Variants in MGAT4C observed in about 807,000 individuals in gnomAD.
MGAT4C encodes the protein MGAT4 family member C.
Under a neutral mutation model 40.1 loss-of-function variants are expected in MGAT4C, and 19 were observed. The ratio of observed to expected loss-of-function variants is 0.47; its 90% CI spans 0.33 to 0.70. The LOEUF (loss-of-function observed/expected upper bound fraction) is 0.70. Ranked by LOEUF, MGAT4C falls within the 30% of genes least tolerant of loss-of-function variation. The pLI is 0.02. For synonymous variants in MGAT4C, 181 were observed against 187.1 expected (o/e 0.97, Z 0.27); for missense variants, 491 against 563.2 (o/e 0.87, Z 1.30).
intron 3 of MGAT4C, among the ~76,000 whole-genome samples, chr12:86,343,219 C>T (rs1191517364): frequency 6.6e-6 from 1 of 152,136 alleles, no homozygotes. Flanking sequence ...ACTGGTTGAG[C>T]ATGTCCAATA....
chr12:86,187,786 C>T (rs956834986), intron 1 of MGAT4C, among the ~76,000 whole-genome samples: 1 of 151,680 alleles, frequency 6.6e-6, no homozygotes, highest in Non-Finnish European at 1.5e-5. Context: ...GGGCTCTAGG[C>T]TTGAACGTAT....
intron 3 of MGAT4C, among the ~76,000 whole-genome samples, chr12:86,368,313 ATGTT>A (rs1294098497): frequency 3.9e-5 from 6 of 152,100 alleles, no homozygotes; most frequent in Non-Finnish European, 8.8e-5. Context: ...GTCATGTTAA[ATGTT>A]TGTTGATTTT....
At chr12:86,341,210 C>T (rs1340811136) in intron 3 of MGAT4C, among the ~76,000 whole-genome samples, 1 of 152,110 alleles carries the variant, frequency 6.6e-6, no homozygotes, top group African/African-American at 2.4e-5. Context: ...TCCTCCCCAG[C>T]CCAGGGAAGC....
chr12:86,194,024 A>G (rs1160704229), intron 1 of MGAT4C, among the ~76,000 whole-genome samples: 2 of 152,016 alleles, frequency 1.3e-5, no homozygotes. Flanking sequence ...AAGAGATGCT[A>G]AACCTTTTGA....
chr12:86,744,479 T>C (rs944191532), intron 1 of MGAT4C, among the ~76,000 whole-genome samples: 12 of 151,468 alleles, frequency 7.9e-5, no homozygotes, highest in Non-Finnish European at 1.8e-4. Context: ...CTTCACTCCA[T>C]CCAAGTTCAT....
chr12:86,588,250 A>G (rs1471574624), intron 2 of MGAT4C, among the ~76,000 whole-genome samples: 1 of 152,062 alleles, frequency 6.6e-6, no homozygotes, highest in Admixed American at 6.6e-5. Flanking sequence ...AGGATTTGCA[A>G]TCCTAGTCTC....
At chr12:86,007,569 A>G (rs1284429902) in intron 2 of MGAT4C, among the ~76,000 whole-genome samples, 1 of 152,082 alleles carries the variant, frequency 6.6e-6, no homozygotes, top group African/African-American at 2.4e-5. Context: ...GGTAGAATTC[A>G]AATAAAGTAT....
At chr12:86,053,058 G>T (rs368332911) in intron 1 of MGAT4C, among the ~76,000 whole-genome samples, 7 of 151,906 alleles carry the variant, frequency 4.6e-5, no homozygotes, top group East Asian at 3.9e-4. Context: ...CAAAGCGAAA[G>T]ATCTTTGGGG....
At chr12:86,836,683 C>CA in intron 1 of MGAT4C, among the ~76,000 whole-genome samples, 1 of 152,050 alleles carries the variant, frequency 6.6e-6, no homozygotes, top group South Asian at 2.1e-4. Context: ...ATTTTTATTG[C>CA]ACTTTGACAA....
At chr12:86,619,139 G>A (rs1007141075) in intron 2 of MGAT4C, among the ~76,000 whole-genome samples, 24 of 151,984 alleles carry the variant, frequency 1.6e-4, no homozygotes, top group African/African-American at 5.8e-4. Flanking sequence ...TTTCATATAA[G>A]GAACTTGAAC....
chr12:86,595,456 G>A lies in MGAT4C; in HGVS notation c.-229+131753C>T, dbSNP rs1212177951. On this transcript the variant is annotated intron_variant, in intron 2 of 7. Coordinates refer to the MGAT4C transcript ENST00000548651. ...TGAGGCAGGAGAATCGCTTGAATCC[G>A]TGAGGCGGAGGTTGCAGTGAGCAGA... 7.9e-5 allele frequency among the ~76,000 whole-genome samples: 12 copies of A among 151,714 alleles called. No homozygotes were observed. The South Asian group carries it at 1.3e-3, about 16-fold the overall frequency.
intron 2 of MGAT4C, among the ~76,000 whole-genome samples, chr12:86,555,841 CT>C (rs1246679969): frequency 1.3e-5 from 2 of 152,178 alleles, no homozygotes; most frequent in African/African-American, 2.4e-5. Context: ...TGATGGCCCC[CT>C]GGACCTGCTT....
chr12:86,292,023 C>T (rs542935084), intron 4 of MGAT4C, among the ~76,000 whole-genome samples: 1 of 152,154 alleles, frequency 6.6e-6, no homozygotes, highest in Non-Finnish European at 1.5e-5. Flanking sequence ...TGTGTCCACA[C>T]AATTTTATGC....
At chr12:86,294,327 T>C (rs960224807) in intron 4 of MGAT4C, among the ~76,000 whole-genome samples, 2 of 150,604 alleles carry the variant, frequency 1.3e-5, no homozygotes, top group Non-Finnish European at 2.9e-5. Context: ...TCGTCTATCA[T>C]GGGGGAAAAG....
At position 86,342,979 on chromosome 12, in the gene MGAT4C, A is replaced by G. The variant is rs999404139; in HGVS notation, c.-119-8852T>C. Among the ~76,000 whole-genome samples, 10 of 152,278 alleles carry G rather than the reference A, an allele frequency of 6.6e-5. No individual in the cohort carries two copies. The East Asian group carries it at 1.5e-3, about 24-fold the overall frequency. ...TACTAGATAGGGTAGAAACATAAGT[A>G]ATTCAAAAAAACTAAAGAGTAATAA... is the stretch of plus-strand genomic sequence containing the variant. On this transcript the variant is annotated intron_variant, in intron 3 of 7. Transcript: ENST00000548651.
intron 4 of MGAT4C, among the ~76,000 whole-genome samples, chr12:86,301,706 A>C (rs771202679): frequency 5.3e-5 from 8 of 152,176 alleles, no homozygotes; most frequent in Non-Finnish European, 1.2e-4. Flanking sequence ...AACTGTTTCT[A>C]CTGTAATAAG....
intron 1 of MGAT4C, among the ~76,000 whole-genome samples, chr12:86,110,042 G>T (rs1876948246): frequency 6.6e-6 from 1 of 150,950 alleles, no homozygotes; most frequent in African/African-American, 2.4e-5. Flanking sequence ...CCCTGTAAAA[G>T]TTATAACTTC....
chr12:86,473,805 A>G (rs552763960), intron 2 of MGAT4C, among the ~76,000 whole-genome samples: 4 of 152,310 alleles, frequency 2.6e-5, no homozygotes, highest in African/African-American at 9.6e-5. Context: ...TCCATCTTTA[A>G]TAAGTAATTG....
chr12:86,658,823 T>G (rs1459863941), intron 2 of MGAT4C, among the ~76,000 whole-genome samples: 3 of 152,144 alleles, frequency 2.0e-5, no homozygotes, highest in African/African-American at 4.8e-5. Context: ...GACTTGTGTT[T>G]TCCAATAGTA....
Sources: gnomAD v4.1 joint callset for allele counts (sites outside exome capture counted in the v4.1 genomes callset) on GRCh38, gnomAD v4.1.1 for gene constraint, MANE v1.5 for transcripts, NCBI Gene and HGNC (gene_info 2026-07-23, HGNC 2026-07-21) for gene names.